The following TM4SF4 variants were observed in gnomAD, a reference collection of about 807,000 sequenced individuals.
TM4SF4 encodes the protein transmembrane 4 L6 family member 4.
TM4SF4 carries 24 observed loss-of-function variants against 24.1 expected under a neutral mutation model. The ratio of observed to expected loss-of-function variants is 1.00; its 90% CI spans 0.72 to 1.40. The LOEUF (loss-of-function observed/expected upper bound fraction) is 1.40, where lower values mean the gene tolerates loss of function less well. Among genes scored for constraint, TM4SF4 ranks in the 40% most tolerant of loss-of-function variants. TM4SF4 has a pLI of 0.00. For missense variants in TM4SF4, 254 were observed against 254.2 expected (o/e 1.00, Z 0.01); for synonymous variants, 113 against 97.0 (o/e 1.17, Z -0.97).
chr3:149,476,056 C>T, intron 2 of TM4SF4, 144 bp downstream of exon 2: 2 of 680,198 alleles, frequency 2.9e-6, no homozygotes, highest in Non-Finnish European at 5.2e-6. Flanking sequence ...TGTGATTTTT[C>T]CTGCCAGTGT....
At chr3:149,485,842 G>C (rs1734106948) in intron 2 of TM4SF4, among the ~76,000 whole-genome samples, 2 of 152,116 alleles carry the variant, frequency 1.3e-5, no homozygotes, top group African/African-American at 2.4e-5. Context: ...TATTGTATTA[G>C]AGGCATTGTG....
chr3:149,500,801 G>A (rs528068246), intron 4 of TM4SF4, among the ~76,000 whole-genome samples: 58 of 152,228 alleles, frequency 3.8e-4, no homozygotes, highest in African/African-American at 1.3e-3. Context: ...GAACCCAAAA[G>A]TTCAAGACCA....
Position 149,487,401 on chromosome 3 carries a change from T to A in TM4SF4, c.265-218T>A, listed in dbSNP as rs570107877. Among the ~76,000 whole-genome samples, 23 of 152,022 alleles carry A rather than the reference T, an allele frequency of 1.5e-4. No individual in the cohort carries two copies. The East Asian group carries it at 3.7e-3, about 24-fold the overall frequency. ...ACAGAACCAACACCTCTGTCATCAA[T>A]GAAAAGGTGAAAAAGAAATGGAAAT... is the stretch of plus-strand genomic sequence containing the variant. On this transcript the variant is annotated intron_variant, in intron 2 of 4. Transcript: ENST00000305354.
intron 2 of TM4SF4, among the ~76,000 whole-genome samples, chr3:149,482,024 G>A (rs563727050): frequency 1.4e-4 from 21 of 152,262 alleles, no homozygotes; most frequent in Non-Finnish European, 2.4e-4. Context: ...TCCAAACCTT[G>A]GGAACAGGAA....
At chr3:149,478,969 G>T (rs897032795) in intron 2 of TM4SF4, among the ~76,000 whole-genome samples, 1 of 152,124 alleles carries the variant, frequency 6.6e-6, no homozygotes, top group Admixed American at 6.5e-5. Flanking sequence ...GTTTCACCAT[G>T]TTGGCCAGGC....
intron 3 of TM4SF4, among the ~76,000 whole-genome samples, chr3:149,497,967 A>G (rs1319541881): frequency 6.6e-6 from 1 of 152,178 alleles, no homozygotes; most frequent in East Asian, 1.9e-4. Flanking sequence ...ATATTGCAAT[A>G]AACTCTTTAT....
At chr3:149,487,879 C>T (rs777378182) in intron 3 of TM4SF4, 124 bp downstream of exon 3, 30 of 1,351,788 alleles carry the variant, frequency 2.2e-5, no homozygotes, top group Middle Eastern at 2.7e-4. Flanking sequence ...CTCGGTGCTC[C>T]TTTGAGGCAG....
At chr3:149,489,883 T>C (rs771013225) in intron 3 of TM4SF4, among the ~76,000 whole-genome samples, 3 of 152,160 alleles carry the variant, frequency 2.0e-5, no homozygotes, top group Non-Finnish European at 4.4e-5. Context: ...TTCAGAATTC[T>C]CTATTTATCT....
At chr3:149,475,374 C>T (rs1233552648) in intron 1 of TM4SF4, among the ~76,000 whole-genome samples, 1 of 152,096 alleles carries the variant, frequency 6.6e-6, no homozygotes, top group Non-Finnish European at 1.5e-5. Context: ...AACAACAAAC[C>T]CACGATGCAA....
chr3:149,481,634 C>G (rs1390223821), intron 2 of TM4SF4, among the ~76,000 whole-genome samples: 1 of 152,146 alleles, frequency 6.6e-6, no homozygotes, highest in African/African-American at 2.4e-5. Flanking sequence ...CTTTGGCCAA[C>G]ATAAGCACCT....
At chr3:149,480,521 G>A (rs1560029180) in intron 2 of TM4SF4, among the ~76,000 whole-genome samples, 1 of 152,072 alleles carries the variant, frequency 6.6e-6, no homozygotes, top group South Asian at 2.1e-4. Flanking sequence ...TTTGAAGAAA[G>A]GTCTTGGTCA....
chr3:149,499,465 C>T (rs1734375874), intron 4 of TM4SF4, among the ~76,000 whole-genome samples: 1 of 152,128 alleles, frequency 6.6e-6, no homozygotes, highest in African/African-American at 2.4e-5. Context: ...ATACCAACAA[C>T]AAATTACTAA....
chr3:149,487,565 G>A (rs1045501735), intron 2 of TM4SF4, 54 bp from the exon 3 acceptor site: 15 of 1,608,300 alleles, frequency 9.3e-6, no homozygotes, highest in South Asian at 1.1e-5. Flanking sequence ...GGTTTGTTGA[G>A]TGTATCCTCT....
intron 3 of TM4SF4, among the ~76,000 whole-genome samples, chr3:149,490,159 C>G (rs1293849194): frequency 6.6e-6 from 1 of 152,214 alleles, no homozygotes; most frequent in African/African-American, 2.4e-5. Context: ...ACAGGAAGGG[C>G]ATTCAGGGGA....
intron 2 of TM4SF4, among the ~76,000 whole-genome samples, chr3:149,486,036 C>T (rs1734110952): frequency 1.3e-5 from 2 of 152,070 alleles, no homozygotes; most frequent in Admixed American, 1.3e-4. Flanking sequence ...TTAAAAGTTG[C>T]ATCCAAAATA....
At chr3:149,499,618 T>C (rs1734378948) in intron 4 of TM4SF4, among the ~76,000 whole-genome samples, 1 of 152,268 alleles carries the variant, frequency 6.6e-6, no homozygotes, top group South Asian at 2.1e-4. Context: ...AACTTGAGGG[T>C]TCCCTAACTG....
chr3:149,475,912 G>A lies in TM4SF4; in HGVS notation c.264G>A (p.Ala88=), dbSNP rs780211117. 33 of 1,610,190 alleles carry A rather than the reference G, an allele frequency of 2.0e-5. No homozygotes were observed. Among genetic ancestry groups the A allele is most frequent in the African/African-American group, 1.7e-4 (13 of 74,830 alleles). ...CGNEGCGKRF[A]MFTSTIFAVV... ...ACGAGGGCTGTGGGAAGCGATTTGC[G>A]GTGAGTTACCATGGGGGGCAGCTAC... The change falls in exon 2 of 5, where the codon GCG becomes GCA. Residue 88 remains alanine, a splice_region_variant and synonymous_variant. Transcript: ENST00000305354.
At chr3:149,476,953 C>A (rs1015084883) in intron 2 of TM4SF4, among the ~76,000 whole-genome samples, 13 of 151,374 alleles carry the variant, frequency 8.6e-5, no homozygotes, top group Non-Finnish European at 1.2e-4. Context: ...AGTGTGCCAC[C>A]CCACGCAGCT....
chr3:149,483,214 C>G (rs1398795395), intron 2 of TM4SF4, among the ~76,000 whole-genome samples: 1 of 152,168 alleles, frequency 6.6e-6, no homozygotes, highest in African/African-American at 2.4e-5. Context: ...TTCTCTTGCT[C>G]TCGTCCTAGA....
Sources: gnomAD v4.1 joint callset for allele counts (sites outside exome capture counted in the v4.1 genomes callset) on GRCh38, gnomAD v4.1.1 for gene constraint, MANE v1.5 for transcripts, NCBI Gene and HGNC (gene_info 2026-07-23, HGNC 2026-07-21) for gene names.